Variants in LRP1B observed in about 807,000 individuals in gnomAD.
LRP1B encodes LDL receptor related protein 1B, also known as low-density lipoprotein receptor-related protein 1B.
LRP1B carries 217 observed loss-of-function variants against 556.6 expected under a neutral mutation model. The observed-to-expected ratio is 0.39, with a 90% CI of 0.35 to 0.44. The LOEUF (loss-of-function observed/expected upper bound fraction) is 0.44, where lower values mean the gene tolerates loss of function less well. Ranked by LOEUF, LRP1B falls within the 20% of genes least tolerant of loss-of-function variation. The probability of loss-of-function intolerance (pLI) is 1.00; values close to 1 mark genes in which losing one functional copy is unlikely to be tolerated. For missense variants in LRP1B, 5,053 were observed against 5,620.8 expected, an observed-to-expected ratio of 0.90 and a Z score of 3.23; for synonymous variants, 2,047 against 1,865.8, an observed-to-expected ratio of 1.10 and a Z score of -2.50.
intron 25 of LRP1B, among the ~76,000 whole-genome samples, chr2:140,869,144 C>T (rs1037455727): frequency 6.6e-6 from 1 of 152,074 alleles, no homozygotes; most frequent in African/African-American, 2.4e-5. Flanking sequence ...CCATTTGAAG[C>T]CCATAAAAAC....
chr2:141,129,584 C>A (rs566881348), intron 7 of LRP1B, among the ~76,000 whole-genome samples: 3 of 126,076 alleles, frequency 2.4e-5, no homozygotes, highest in East Asian at 4.7e-4. Context: ...GGGGGAGGGG[C>A]GGGGGGTGAA....
At chr2:140,976,568 C>T (rs550035923) in intron 18 of LRP1B, among the ~76,000 whole-genome samples, 247 of 131,210 alleles carry the variant, frequency 1.9e-3, no homozygotes, top group African/African-American at 5.1e-3. Context: ...AGTGCAGTGG[C>T]GCGATCTCGG....
intron 35 of LRP1B, among the ~76,000 whole-genome samples, chr2:140,735,604 G>T (rs573897659): frequency 1.3e-5 from 2 of 152,220 alleles, no homozygotes; most frequent in South Asian, 2.1e-4. Context: ...GTCTTTGAGG[G>T]GTTTGGCTCC....
chr2:141,834,793 G>T (rs551354482), intron 1 of LRP1B, among the ~76,000 whole-genome samples: 86 of 151,880 alleles, frequency 5.7e-4, no homozygotes, highest in Non-Finnish European at 1.1e-3. Flanking sequence ...GAAGAAAAAA[G>T]AAAAACTTTA....
intron 5 of LRP1B, among the ~76,000 whole-genome samples, chr2:141,236,779 C>T (rs557836079): frequency 1.4e-4 from 22 of 152,108 alleles, no homozygotes; most frequent in Admixed American, 4.6e-4. Context: ...TTTAGATTCA[C>T]GCAGTGCAGA....
At chr2:140,440,802 GAGAATCCTAT>G (rs1199088294) in intron 66 of LRP1B, among the ~76,000 whole-genome samples, 1 of 149,678 alleles carries the variant, frequency 6.7e-6, no homozygotes, top group Non-Finnish European at 1.5e-5. Flanking sequence ...TAGTGGCTGG[GAGAATCCTAT>G]ATAACCTCAC....
At chr2:142,053,434 G>T (rs954349072) in intron 1 of LRP1B, among the ~76,000 whole-genome samples, 23 of 151,820 alleles carry the variant, frequency 1.5e-4, no homozygotes, top group African/African-American at 5.6e-4. Flanking sequence ...TTAGAAAGGA[G>T]AACTTTTCTA....
intron 2 of LRP1B, among the ~76,000 whole-genome samples, chr2:141,588,789 T>C (rs1215743239): frequency 4.6e-5 from 7 of 152,202 alleles, no homozygotes; most frequent in Non-Finnish European, 7.3e-5. Context: ...TGTTGTAAAA[T>C]ATGTAGATAA....
At chr2:140,439,934 G>C (rs1404411610) in intron 66 of LRP1B, among the ~76,000 whole-genome samples, 1 of 151,916 alleles carries the variant, frequency 6.6e-6, no homozygotes, top group Non-Finnish European at 1.5e-5. Flanking sequence ...TGTATATTTT[G>C]TATGTGTTAA....
In LRP1B at chr2:140,233,280, C is replaced by T. The variant is rs2104870844; in HGVS notation, c.13706G>A (p.Gly4569Glu). ...TCCTAAGGAGTTTCGACAGTTTTGC[C>T]CATCCATATATAATTTTGCATATAC... ...NPVYAKLYMD[G>E]QNCRNSLGSV... Residue 4569 changes from glycine to glutamate, a missense_variant, in exon 91 of 91, where the codon GGG becomes GAG. Transcript: ENST00000389484. The T allele has an allele frequency of 6.2e-7, 1 of 1,604,850 alleles. No homozygotes were observed. The highest frequency in any genetic ancestry group is 1.1e-5 in the South Asian group (1 of 90,652).
chr2:142,093,352 T>C (rs765011515), intron 1 of LRP1B, among the ~76,000 whole-genome samples: 1 of 152,168 alleles, frequency 6.6e-6, no homozygotes, highest in Non-Finnish European at 1.5e-5. Context: ...TGTGAAATAA[T>C]GTTTTATATA....
At chr2:141,912,228 C>T (rs1002078945) in intron 1 of LRP1B, among the ~76,000 whole-genome samples, 1 of 152,038 alleles carries the variant, frequency 6.6e-6, no homozygotes, top group Non-Finnish European at 1.5e-5. Context: ...GAACACTTTC[C>T]CATGGTGTTG....
At chr2:140,240,169 T>C (rs948210321) in intron 87 of LRP1B, among the ~76,000 whole-genome samples, 2 of 150,796 alleles carry the variant, frequency 1.3e-5, no homozygotes, top group Admixed American at 6.6e-5. Context: ...TTAGCTTGAT[T>C]CCACAGAATT....
At chr2:141,927,903 C>CAAAAAA (rs5834879) in intron 1 of LRP1B, among the ~76,000 whole-genome samples, 9 of 110,956 alleles carry the variant, frequency 8.1e-5, no homozygotes, top group South Asian at 3.2e-4. Flanking sequence ...CTTGGCTTTA[C>CAAAAAA]AAAAAAAAAA....
At chr2:140,585,609 C>G (rs565923889) in intron 43 of LRP1B, among the ~76,000 whole-genome samples, 4 of 152,082 alleles carry the variant, frequency 2.6e-5, no homozygotes, top group African/African-American at 7.2e-5. Flanking sequence ...AAAATAATTG[C>G]TCAAGATCAC....
At chr2:140,752,269 A>AT (rs1250338103) in intron 35 of LRP1B, among the ~76,000 whole-genome samples, 1 of 152,122 alleles carries the variant, frequency 6.6e-6, no homozygotes, top group African/African-American at 2.4e-5. Flanking sequence ...TAGCCACGGA[A>AT]TAAATAGAAT....
chr2:142,002,270 A>C (rs1285366791), intron 1 of LRP1B, among the ~76,000 whole-genome samples: 2 of 152,140 alleles, frequency 1.3e-5, no homozygotes. Context: ...AATTAGTCAT[A>C]ATCATGTTAA....
intron 20 of LRP1B, among the ~76,000 whole-genome samples, chr2:140,925,393 T>A (rs1289258189): frequency 6.6e-6 from 1 of 152,176 alleles, no homozygotes; most frequent in Non-Finnish European, 1.5e-5. Flanking sequence ...CCCAATCAGC[T>A]CTGTGCATCA....
At chr2:141,672,816 G>A (rs1355524146) in intron 2 of LRP1B, among the ~76,000 whole-genome samples, 1 of 152,156 alleles carries the variant, frequency 6.6e-6, no homozygotes, top group Non-Finnish European at 1.5e-5. Context: ...AATGAGAGAT[G>A]AATAGAACTT....
Sources: gnomAD v4.1 joint callset for allele counts (sites outside exome capture counted in the v4.1 genomes callset) on GRCh38, gnomAD v4.1.1 for gene constraint, MANE v1.5 for transcripts, NCBI Gene and HGNC (gene_info 2026-07-23, HGNC 2026-07-21) for gene names.